Variants in CNTNAP4 observed in about 807,000 individuals in gnomAD.
CNTNAP4 encodes the protein contactin-associated protein-like 4.
A neutral mutation model predicts 148.4 loss-of-function variants in CNTNAP4; 98 were observed. That is an observed-to-expected ratio of 0.66 (90% CI 0.56 to 0.78). The LOEUF is 0.78. Among genes scored for constraint, CNTNAP4 ranks in the 30% least tolerant of loss-of-function variants. The probability of loss-of-function intolerance (pLI) is 0.00; values close to 1 mark genes in which losing one functional copy is unlikely to be tolerated. For synonymous variants in CNTNAP4, 730 were observed against 565.1 expected, an observed-to-expected ratio of 1.29 and a Z score of -4.14; for missense variants, 1,935 against 1,565.6, an observed-to-expected ratio of 1.24 and a Z score of -3.98.
intron 8 of CNTNAP4, among the ~76,000 whole-genome samples, chr16:76,458,492 C>A (rs1262975665): frequency 6.6e-6 from 1 of 151,988 alleles, no homozygotes; most frequent in East Asian, 1.9e-4. Context: ...TGTTTTCCTG[C>A]AACTAGATTG....
intron 1 of CNTNAP4, among the ~76,000 whole-genome samples, chr16:76,278,286 G>C (rs545061532): frequency 1.3e-5 from 2 of 152,326 alleles, no homozygotes; most frequent in Admixed American, 1.3e-4. Flanking sequence ...GCGAGTCTCA[G>C]TATTAAGAGC....
chr16:76,293,551 C>T (rs1202462945), intron 1 of CNTNAP4, among the ~76,000 whole-genome samples: 5 of 151,996 alleles, frequency 3.3e-5, no homozygotes, highest in African/African-American at 1.2e-4. Context: ...AAAGTGATTT[C>T]AGAGGGAATT....
intron 11 of CNTNAP4, among the ~76,000 whole-genome samples, chr16:76,477,540 C>T (rs753471055): frequency 3.3e-5 from 5 of 152,106 alleles, no homozygotes; most frequent in Admixed American, 1.3e-4. Flanking sequence ...AGCCCTGATT[C>T]GGTGCTGGGG....
intron 1 of CNTNAP4, among the ~76,000 whole-genome samples, chr16:76,283,088 T>G (rs950497732): frequency 1.3e-5 from 2 of 151,964 alleles, no homozygotes; most frequent in Non-Finnish European, 2.9e-5. Flanking sequence ...TGTGATGAGA[T>G]TCGTGATCAT....
chr16:76,407,130 A>G (rs1000946010), intron 3 of CNTNAP4, among the ~76,000 whole-genome samples: 1 of 152,110 alleles, frequency 6.6e-6, no homozygotes, highest in Non-Finnish European at 1.5e-5. Flanking sequence ...CCATTCTGAA[A>G]ATCCTAGGAC....
chr16:76,348,856 C>CAAA (rs1490370843), intron 2 of CNTNAP4, among the ~76,000 whole-genome samples: 1 of 14,252 alleles, frequency 7.0e-5, no homozygotes, highest in African/African-American at 2.7e-4. Context: ...TTAAAAGAAG[C>CAAA]CAAAAAAAAA....
intron 2 of CNTNAP4, among the ~76,000 whole-genome samples, chr16:76,325,349 C>G (rs139445265): frequency 2.1e-4 from 32 of 152,240 alleles, no homozygotes; most frequent in African/African-American, 7.5e-4. Context: ...ATATCTCCAA[C>G]TGCAGAATAC....
intron 15 of CNTNAP4, among the ~76,000 whole-genome samples, chr16:76,512,478 A>G (rs1164876067): frequency 1.3e-5 from 2 of 152,178 alleles, no homozygotes; most frequent in Non-Finnish European, 2.9e-5. Context: ...GAAAAGTCAA[A>G]AATAACACCA....
In CNTNAP4 at chr16:76,539,858, G is replaced by A. The variant is rs766721424; in HGVS notation, c.3354+6G>A. ...AAGGAGTGGTCTTTATAGAGGTAAT[G>A]TAGTAAATTCAGCAGAAGCAATCAT... On this transcript the variant is annotated splice_donor_region_variant and intron_variant, in intron 20 of 23. Coordinates refer to ENST00000611870, the MANE Select transcript of CNTNAP4 (RefSeq NM_033401.5). 5.8e-6 allele frequency: 9 copies of A among 1,562,220 alleles called. No individual in the cohort carries two copies. Among genetic ancestry groups the A allele is most frequent in the Admixed American group, 2.2e-5 (1 of 45,508 alleles).
chr16:76,553,304 A>G lies in CNTNAP4; in HGVS notation c.3464A>G (p.Asp1155Gly), dbSNP rs751701230. 33 of 1,609,280 alleles carry G rather than the reference A, an allele frequency of 2.1e-5. No individual in the cohort carries two copies. Among genetic ancestry groups the G allele is most frequent in the Non-Finnish European group, 2.6e-5 (30 of 1,176,174 alleles). ...RILEHSDVDQ[D>G]TALAGAQGFT... ...CTAGAACACAGTGATGTGGACCAGG[A>G]TACTGCACTGGCAGGTGCGCAGGGC... The change falls in exon 22 of 24, where the codon GAT (aspartate) becomes GGT (glycine). Residue 1155 changes from aspartate (D) to glycine (G), a missense_variant. Coordinates refer to ENST00000611870, the MANE Select transcript of CNTNAP4 (RefSeq NM_033401.5).
chr16:76,467,736 T>C (rs549938007), intron 10 of CNTNAP4, among the ~76,000 whole-genome samples: 4 of 152,346 alleles, frequency 2.6e-5, no homozygotes, highest in African/African-American at 7.2e-5. Context: ...GGCCATGTTA[T>C]GTATGGCCAC....
In CNTNAP4 at chr16:76,550,678, G is replaced by GAA. The variant is rs34188706; in HGVS notation, c.3443-2596_3443-2595dup. Among the ~76,000 whole-genome samples, 1,025 of 149,148 alleles carry GAA rather than the reference G, an allele frequency of 6.9e-3. 9 individuals carry two copies. The highest frequency in any genetic ancestry group is 0.016 in the African/African-American group (639 of 40,768). ...TTTTAATTTCTCATTAAAGTAAAAA[G>GAA]AAAAAAAAAACTCCAAATCAAGAAT... On this transcript the variant is annotated intron_variant, in intron 21 of 23. Coordinates refer to ENST00000611870, the MANE Select transcript of CNTNAP4 (RefSeq NM_033401.5).
chr16:76,281,525 G>C (rs2143740671), intron 1 of CNTNAP4, among the ~76,000 whole-genome samples: 1 of 151,930 alleles, frequency 6.6e-6, no homozygotes, highest in East Asian at 1.9e-4. Context: ...CATAATACCT[G>C]GTGCTTACTC....
intron 3 of CNTNAP4, among the ~76,000 whole-genome samples, chr16:76,382,605 A>G (rs900946850): frequency 2.0e-5 from 3 of 152,216 alleles, no homozygotes; most frequent in Non-Finnish European, 4.4e-5. Flanking sequence ...TGTTTGAATT[A>G]GATACATCAA....
intron 3 of CNTNAP4, among the ~76,000 whole-genome samples, chr16:76,399,359 C>T (rs1297591427): frequency 6.6e-6 from 1 of 152,176 alleles, no homozygotes; most frequent in South Asian, 2.1e-4. Flanking sequence ...AAGTAATTCA[C>T]ATGAGCTCTG....
chr16:76,355,365 C>G lies in CNTNAP4; in HGVS notation c.244C>G (p.Gln82Glu). The change falls in exon 3 of 24, where the codon CAG (glutamine) becomes GAG (glutamate). Residue 82 changes from glutamine to glutamate, a missense_variant. Transcript: ENST00000611870. ...TGTGTCTAACAAATACCAGTGGTTG[C>G]AGATTGACCTTGGAGAGAGAATGGA... The part of the protein sequence containing the change: ...PLVSNKYQWL[Q>E]IDLGERMEVT... The G allele has an allele frequency of 6.2e-7, 1 of 1,603,674 alleles. No homozygotes were observed. The highest frequency in any genetic ancestry group is 1.1e-5 in the South Asian group (1 of 89,934).
intron 4 of CNTNAP4, among the ~76,000 whole-genome samples, chr16:76,433,933 C>G (rs1465924450): frequency 6.6e-6 from 1 of 151,790 alleles, no homozygotes; most frequent in African/African-American, 2.4e-5. Flanking sequence ...TATAAATTCT[C>G]TAATTCTTTG....
Position 76,473,840 on chromosome 16 carries a change from G to GT in CNTNAP4, c.1656-2089dup, listed in dbSNP as rs372567909. 2.6e-3 allele frequency among the ~76,000 whole-genome samples: 332 copies of GT among 129,770 alleles called. 1 individual carries two copies. The highest frequency in any genetic ancestry group is 8.1e-3 in the African/African-American group (307 of 38,078). The allele number at this position is 129,770 out of a possible 152,430, so 85.1% of individuals were successfully genotyped here. A position where few individuals can be genotyped will look rare whatever the true frequency, so the allele number is the denominator to read the frequency against. On this transcript the variant is annotated intron_variant, in intron 10 of 23. Transcript: ENST00000611870. ...TATATATTCTTGGCAGGTTTTGTAG[G>GT]TTTTTTTTTTGTTTTGTTTTGTTTT...
At chr16:76,438,472 A>G (rs1252251289) in intron 4 of CNTNAP4, among the ~76,000 whole-genome samples, 3 of 152,100 alleles carry the variant, frequency 2.0e-5, no homozygotes. Context: ...TTAAAAAGGG[A>G]AGAAAGAAAT....
Sources: gnomAD v4.1 joint callset for allele counts (sites outside exome capture counted in the v4.1 genomes callset) on GRCh38, gnomAD v4.1.1 for gene constraint, MANE v1.5 for transcripts, NCBI Gene and HGNC (gene_info 2026-07-23, HGNC 2026-07-21) for gene names.